CEP128: variants seen among roughly 807,000 people sequenced by gnomAD.
The protein encoded by CEP128 is centrosomal protein 128.
Under a neutral mutation model 156.7 loss-of-function variants are expected in CEP128, and 132 were observed. The ratio of observed to expected loss-of-function variants is 0.84; its 90% CI spans 0.73 to 0.97. The LOEUF is 0.97. Among genes scored for constraint, CEP128 ranks in the 50% least tolerant of loss-of-function variants. The pLI is 0.00. For synonymous variants in CEP128, 469 were observed against 448.9 expected (o/e 1.04, Z -0.57); for missense variants, 1,252 against 1,281.9 (o/e 0.98, Z 0.36).
chr14:80,754,609 C>T (rs966251539), intron 18 of CEP128, among the ~76,000 whole-genome samples: 3 of 151,866 alleles, frequency 2.0e-5, no homozygotes, highest in Non-Finnish European at 4.4e-5. Flanking sequence ...ACTGCAGGCA[C>T]GTGCCACCAT....
chr14:80,709,676 C>A (rs55700935), intron 19 of CEP128, among the ~76,000 whole-genome samples: 73,078 of 151,882 alleles, frequency 0.48, 17,852 homozygotes, highest in Non-Finnish European at 0.51. Context: ...ATTCAAGGAA[C>A]TAATATGCCT....
At chr14:80,843,461 T>C (rs1192274817) in intron 9 of CEP128, among the ~76,000 whole-genome samples, 3 of 152,098 alleles carry the variant, frequency 2.0e-5, no homozygotes, top group East Asian at 3.9e-4. Context: ...AACAAGTCTG[T>C]GCTCATATTA....
chr14:80,743,645 T>G (rs1898948216), intron 18 of CEP128, among the ~76,000 whole-genome samples: 2 of 152,160 alleles, frequency 1.3e-5, no homozygotes, highest in South Asian at 4.1e-4. Flanking sequence ...AAAAGAAGTA[T>G]TCCTTCAGAG....
chr14:80,892,280 G>C (rs556445713), intron 8 of CEP128, among the ~76,000 whole-genome samples: 1 of 152,056 alleles, frequency 6.6e-6, no homozygotes, highest in South Asian at 2.1e-4. Context: ...ACTAATTTTT[G>C]ACAGGGGCAC....
intron 20 of CEP128, among the ~76,000 whole-genome samples, chr14:80,564,107 G>A (rs2140386892): frequency 6.6e-6 from 1 of 152,242 alleles, no homozygotes; most frequent in Admixed American, 6.5e-5. Flanking sequence ...GAGTTTTCTG[G>A]GAAAAAGCCT....
intron 13 of CEP128, among the ~76,000 whole-genome samples, chr14:80,818,789 C>A (rs1885004271): frequency 6.6e-6 from 1 of 152,322 alleles, no homozygotes; most frequent in East Asian, 1.9e-4. Flanking sequence ...TGATAATAAA[C>A]ATGTGAAACT....
intron 19 of CEP128, among the ~76,000 whole-genome samples, chr14:80,682,961 A>T (rs544803098): frequency 6.6e-6 from 1 of 152,228 alleles, no homozygotes; most frequent in African/African-American, 2.4e-5. Context: ...CATGGAAACA[A>T]AAGAATGATA....
chr14:80,597,472 C>T (rs1294067582), intron 19 of CEP128, among the ~76,000 whole-genome samples: 1 of 152,066 alleles, frequency 6.6e-6, no homozygotes, highest in African/African-American at 2.4e-5. Context: ...AATGGTTTCA[C>T]TAATAACTTT....
In CEP128 at chr14:80,955,940, GC is replaced by G. The variant is rs1886652274; in HGVS notation, c.-172+2237del. The G allele has an allele frequency of 2.8e-5, 42 of 1,495,508 alleles. No homozygotes were observed. The South Asian group carries it at 4.8e-4, about 17-fold the overall frequency. The allele number at this position is 1,495,508 out of a possible 1,614,324, so 92.6% of individuals were successfully genotyped here. A position where few individuals can be genotyped will look rare whatever the true frequency, so the allele number is the denominator to read the frequency against. On this transcript the variant is annotated intron_variant, in intron 2 of 7. Transcript: ENST00000555529. ...AGTGCACAAAAGCAGCTCAATAACA[GC>G]CCGAAGTAGTGTGTGAGTGTGTGTA...
At chr14:80,928,435 ACATTGT>A (rs1245721250) in intron 2 of CEP128, among the ~76,000 whole-genome samples, 1 of 152,218 alleles carries the variant, frequency 6.6e-6, no homozygotes, top group African/African-American at 2.4e-5. Context: ...AAAGAGACAG[ACATTGT>A]AAAGAAAAAC....
intron 21 of CEP128, among the ~76,000 whole-genome samples, chr14:80,547,623 G>A (rs1380945747): frequency 1.3e-5 from 2 of 152,114 alleles, no homozygotes; most frequent in African/African-American, 4.8e-5. Context: ...TCTGCTGTAT[G>A]CTTTATGACA....
At chr14:80,518,273 G>A (rs2140239176) in intron 23 of CEP128, among the ~76,000 whole-genome samples, 1 of 151,710 alleles carries the variant, frequency 6.6e-6, no homozygotes, top group African/African-American at 2.4e-5. Flanking sequence ...TCGGGTGTGA[G>A]CTAAGTTGCA....
At chr14:80,524,204 T>A (rs549686030) in intron 23 of CEP128, among the ~76,000 whole-genome samples, 1 of 152,338 alleles carries the variant, frequency 6.6e-6, no homozygotes, top group East Asian at 1.9e-4. Flanking sequence ...ACATGGTAGC[T>A]GTACAGTATG....
At chr14:80,584,473 T>A (rs1258317826) in intron 19 of CEP128, among the ~76,000 whole-genome samples, 1 of 152,136 alleles carries the variant, frequency 6.6e-6, no homozygotes, top group Non-Finnish European at 1.5e-5. Flanking sequence ...CATGTTCTCC[T>A]TAACTACTGC....
intron 2 of CEP128, among the ~76,000 whole-genome samples, chr14:80,936,701 A>G (rs541656467): frequency 6.2e-4 from 95 of 152,332 alleles, no homozygotes; most frequent in African/African-American, 2.1e-3. Context: ...AACACAAGAA[A>G]AAGAACAGTC....
chr14:80,723,490 CT>C (rs1017051916), intron 19 of CEP128, among the ~76,000 whole-genome samples: 1 of 152,078 alleles, frequency 6.6e-6, no homozygotes, highest in African/African-American at 2.4e-5. Flanking sequence ...GTGTAGTACC[CT>C]TTTCAAAATG....
At chr14:80,498,069 T>G (rs535924573) in intron 24 of CEP128, among the ~76,000 whole-genome samples, 4 of 152,312 alleles carry the variant, frequency 2.6e-5, no homozygotes, top group Admixed American at 1.3e-4. Flanking sequence ...TGTGAAATCT[T>G]CTCTCCTTAT....
intron 13 of CEP128, chr14:80,830,631 T>C (rs1885740721): frequency 5.8e-6 from 1 of 173,216 alleles, no homozygotes; most frequent in African/African-American, 2.4e-5. Context: ...CCATTCACGG[T>C]TACCATATCA....
intron 19 of CEP128, among the ~76,000 whole-genome samples, chr14:80,660,570 C>T (rs984710610): frequency 4.6e-5 from 7 of 152,142 alleles, no homozygotes; most frequent in Non-Finnish European, 7.4e-5. Context: ...TAAACAGCAA[C>T]TCAAAAGAAC....
Sources: allele counts gnomAD v4.1 joint callset (sites outside exome capture counted in the v4.1 genomes callset), GRCh38; gene constraint gnomAD v4.1.1; transcripts MANE v1.5; gene names NCBI Gene and HGNC (gene_info 2026-07-23, HGNC 2026-07-21).